Variants in ZNF609 observed in about 807,000 individuals in gnomAD.
The protein encoded by ZNF609 is zinc finger protein 609.
ZNF609 carries 11 observed loss-of-function variants against 109.5 expected under a neutral mutation model. The observed-to-expected ratio is 0.10, with a 90% CI of 0.06 to 0.17. The LOEUF (loss-of-function observed/expected upper bound fraction) is 0.17. ZNF609 is among the 10% of genes least tolerant of loss of function. The pLI, the probability that ZNF609 is intolerant of heterozygous loss-of-function variation, is 1.00. For missense variants in ZNF609, 1,559 were observed against 1,772.4 expected (o/e 0.88, Z 2.16); for synonymous variants, 646 against 662.0 (o/e 0.98, Z 0.37).
At chr15:64,580,644 T>G (rs1895085293) in intron 2 of ZNF609, among the ~76,000 whole-genome samples, 1 of 151,306 alleles carries the variant, frequency 6.6e-6, no homozygotes, top group Non-Finnish European at 1.5e-5. Flanking sequence ...TGGGTTGAAG[T>G]GATTCTCCTG....
intron 2 of ZNF609, among the ~76,000 whole-genome samples, chr15:64,545,003 C>T (rs1338521175): frequency 6.6e-6 from 1 of 152,156 alleles, no homozygotes; most frequent in Non-Finnish European, 1.5e-5. Context: ...GTCATTTCTG[C>T]CATTCTGTTA....
intron 2 of ZNF609, among the ~76,000 whole-genome samples, chr15:64,525,472 T>G (rs765608619): frequency 6.6e-6 from 1 of 152,224 alleles, no homozygotes; most frequent in Admixed American, 6.5e-5. Flanking sequence ...ACAATCTTGA[T>G]TACTCATCTT....
At position 64,680,330 on chromosome 15, in the gene ZNF609, T is replaced by C. The variant is rs753595349; in HGVS notation, c.3915T>C (p.His1305=). ...AAGCCCTGGACATCTTGCAGCAGCATGCCAGTCACTACAAGAGCAAGTCTC... is the reference window on the plus strand; with the variant it reads ...AAGCCCTGGACATCTTGCAGCAGCACGCCAGTCACTACAAGAGCAAGTCTC... The part of the protein sequence containing the change: ...ESKALDILQQ[H]ASHYKSKSPT... The change falls in exon 7 of 10, where the codon CAT becomes CAC. Residue 1305 remains histidine, a synonymous_variant. Transcript: ENST00000326648. The C allele has an allele frequency of 6.2e-7, 1 of 1,614,190 alleles. No individual in the cohort carries two copies. The highest frequency in any genetic ancestry group is 8.5e-7 in the Non-Finnish European group (1 of 1,180,030).
chr15:64,503,455 A>T (rs1893590412), intron 2 of ZNF609, among the ~76,000 whole-genome samples: 1 of 152,050 alleles, frequency 6.6e-6, no homozygotes, highest in African/African-American at 2.4e-5. Flanking sequence ...GGTAGGGAGG[A>T]GGGCAGGCGC....
intron 3 of ZNF609, among the ~76,000 whole-genome samples, chr15:64,666,736 G>A (rs1567042828): frequency 6.6e-6 from 1 of 151,902 alleles, no homozygotes; most frequent in Non-Finnish European, 1.5e-5. Flanking sequence ...GGCTGGTCTT[G>A]GACCCCTGAC....
rs190112176 is a variant in ZNF609, at chr15:64,550,098, T to G, written c.747+49932T>G. Among the ~76,000 whole-genome samples, 163 of 152,192 alleles carry G rather than the reference T, an allele frequency of 1.1e-3. 1 individual carries two copies. The highest frequency in any genetic ancestry group is 9.2e-3 in the Admixed American group (141 of 15,270). On this transcript the variant is annotated intron_variant, in intron 2 of 9. Transcript: ENST00000326648. The stretch of plus-strand genomic sequence containing the variant: ...TCCCAAGTAGCTAGGGCTACAGGCA[T>G]GCACCACCACACCCAGCTAATTTTT...
In ZNF609 at chr15:64,676,046, T is replaced by C. The variant is rs569530261; in HGVS notation, c.3192T>C (p.Pro1064=). 54 of 1,614,210 alleles carry C rather than the reference T, an allele frequency of 3.3e-5. 1 individual carries two copies. Among genetic ancestry groups the C allele is most frequent in the South Asian group, 1.3e-4 (12 of 91,086 alleles). ...TGACAGACCTGGTGAAATCAGGACC[T>C]GGCAAGGCCAAGGAGCCAGGGGCTG... ...PSLTDLVKSG[P]GKAKEPGADP... The change falls in exon 5 of 10, where the codon CCT becomes CCC. Residue 1064 remains proline, a synonymous_variant. Transcript: ENST00000326648.
Position 64,526,464 on chromosome 15 carries a change from C to T in ZNF609, c.747+26298C>T, listed in dbSNP as rs186542869. 4.5e-3 allele frequency among the ~76,000 whole-genome samples: 686 copies of T among 152,274 alleles called. 7 individuals carry two copies. The highest frequency in any genetic ancestry group is 0.015 in the South Asian group (74 of 4,824). On this transcript the variant is annotated intron_variant, in intron 2 of 9. Transcript: ENST00000326648. ...TTTATTTCTTGTCTAATTTTTCTAG[C>T]TATAACCTCCAGTACAATGTTGAAT...
At chr15:64,561,792 G>A (rs1373896912) in intron 2 of ZNF609, among the ~76,000 whole-genome samples, 1 of 151,906 alleles carries the variant, frequency 6.6e-6, no homozygotes, top group African/African-American at 2.4e-5. Flanking sequence ...AACCTATCCT[G>A]GCAAGTGTTA....
rs1369739135 is a variant in ZNF609 at position 64,575,711 on chromosome 15, A to T, written c.748-47116A>T. On this transcript the variant is annotated intron_variant, in intron 2 of 9. Coordinates refer to ENST00000326648, the MANE Select transcript of ZNF609 (RefSeq NM_015042.2). ...AAAGGTTATGAAATTTAAGCAAGGT[A>T]AACTTAAAGATAGCCACTTGAATTT... Among the ~76,000 whole-genome samples, 4 of 152,222 alleles carry T rather than the reference A, an allele frequency of 2.6e-5. No homozygotes were observed. In the East Asian group the frequency reaches 7.7e-4, roughly 29 times the overall value.
chr15:64,541,863 A>T (rs1431531350), intron 2 of ZNF609, among the ~76,000 whole-genome samples: 1 of 150,986 alleles, frequency 6.6e-6, no homozygotes, highest in Non-Finnish European at 1.5e-5. Context: ...AAAAAAAAAA[A>T]AGTAGAATTT....
Position 64,466,943 on chromosome 15 carries a change from C to G in ZNF609, c.-128+6105C>G, listed in dbSNP as rs564507848. 5.4e-3 allele frequency among the ~76,000 whole-genome samples: 827 copies of G among 152,292 alleles called. 8 individuals are homozygous for G. Among genetic ancestry groups the G allele is most frequent in the Middle Eastern group, 0.024 (7 of 294 alleles). On this transcript the variant is annotated intron_variant, in intron 1 of 9. Coordinates refer to ENST00000326648, the MANE Select transcript of ZNF609 (RefSeq NM_015042.2). ...CTCTCACCCCTTTCTTTCTTCCCCC[C>G]TCCCCTTGCTCTAGCAGCAGGAGTT...
In ZNF609 at chr15:64,675,878, GCAGAAACGC is replaced by G. The variant is rs754121429; in HGVS notation, c.3029_3037del (p.Lys1010_Gln1012del). 6.2e-7 allele frequency: 1 copy of G among 1,614,238 alleles called. No individual in the cohort carries two copies. The highest frequency in any genetic ancestry group is 1.1e-5 in the South Asian group (1 of 91,086). On this transcript the variant is annotated inframe_deletion, in exon 5 of 10. Coordinates refer to ENST00000326648, the MANE Select transcript of ZNF609 (RefSeq NM_015042.2). ...CTTACCGGCAGCAGTACGAAGAACA[GCAGAAACGC>G]CAGAGCTTAGAGCAGCAGCAGCGGG...
chr15:64,471,243 C>T (rs934193962), intron 1 of ZNF609: 1 of 152,084 alleles, frequency 6.6e-6, no homozygotes, highest in Non-Finnish European at 1.5e-5. Flanking sequence ...TGCCTGTAAT[C>T]CCAGCTACTC....
chr15:64,580,955 C>CTTTTT lies in ZNF609; in HGVS notation c.748-41848_748-41844dup, dbSNP rs57690590. ...TCTGTTTTCTAGTCTTCAATGTCTT[C>CTTTTT]TTTTTTTTTTTTTTTTTTTTTTTTT... On this transcript the variant is annotated intron_variant, in intron 2 of 9. Coordinates refer to ENST00000326648, the MANE Select transcript of ZNF609 (RefSeq NM_015042.2). 1.2e-3 allele frequency among the ~76,000 whole-genome samples: 73 copies of CTTTTT among 58,738 alleles called. 12 individuals carry two copies. The highest frequency in any genetic ancestry group is 5.5e-3 in the African/African-American group (71 of 12,802). 38.5% of individuals were successfully genotyped at this position (58,738 alleles called of 152,430 possible).
intron 2 of ZNF609, among the ~76,000 whole-genome samples, chr15:64,591,843 C>T (rs34316862): frequency 6.6e-6 from 1 of 152,036 alleles, no homozygotes; most frequent in Admixed American, 6.6e-5. Context: ...TCCCAAGTAG[C>T]TGGGACGACC....
At chr15:64,479,284 A>AT (rs34496032) in intron 1 of ZNF609, among the ~76,000 whole-genome samples, 6,880 of 86,382 alleles carry the variant, frequency 0.08, 1,446 homozygotes, top group African/African-American at 0.24. Context: ...TACCTGTGTG[A>AT]TTTTTTTTTT....
chr15:64,586,033 G>A (rs184123733), intron 2 of ZNF609, among the ~76,000 whole-genome samples: 143 of 151,992 alleles, frequency 9.4e-4, no homozygotes, highest in African/African-American at 3.4e-3. Context: ...TGTAGAAATG[G>A]GATCTTGCCG....
intron 2 of ZNF609, among the ~76,000 whole-genome samples, chr15:64,517,264 C>A (rs1327589029): frequency 6.6e-6 from 1 of 152,074 alleles, no homozygotes; most frequent in Non-Finnish European, 1.5e-5. Flanking sequence ...GTAGTCCAAG[C>A]TTCTCAGGAA....
Sources: gnomAD v4.1 joint callset for allele counts (sites outside exome capture counted in the v4.1 genomes callset) on GRCh38, gnomAD v4.1.1 for gene constraint, MANE v1.5 for transcripts, NCBI Gene and HGNC (gene_info 2026-07-23, HGNC 2026-07-21) for gene names.